The following IQSEC1 variants were observed in gnomAD, a reference collection of about 807,000 sequenced individuals.
The protein encoded by IQSEC1 is IQ motif and Sec7 domain ArfGEF 1, also known as IQ motif and SEC7 domain-containing protein 1.
Under a neutral mutation model 91.0 loss-of-function variants are expected in IQSEC1, and 31 were observed. The observed-to-expected ratio is 0.34, with a 90% CI of 0.26 to 0.46. IQSEC1 has a LOEUF of 0.46. IQSEC1 is among the 20% of genes least tolerant of loss of function. The pLI is 1.00. For synonymous variants in IQSEC1, 699 were observed against 662.6 expected, an observed-to-expected ratio of 1.05 and a Z score of -0.84; for missense variants, 1,388 against 1,575.6, an observed-to-expected ratio of 0.88 and a Z score of 2.02.
At chr3:12,939,016 C>T (rs1189791128) in intron 2 of IQSEC1, among the ~76,000 whole-genome samples, 3 of 152,204 alleles carry the variant, frequency 2.0e-5, no homozygotes, top group Non-Finnish European at 4.4e-5. Context: ...CGAAAAGTTT[C>T]CCGGGACCCA....
intron 1 of IQSEC1, 76 bp from the exon 2 acceptor site, chr3:12,941,941 C>CCCACCATGCTCCTGGAGGAG (rs1698794017): frequency 1.5e-6 from 2 of 1,344,724 alleles, no homozygotes; most frequent in Admixed American, 4.8e-5. Context: ...GGGGCGTGAC[C>CCCACCATGCTCCTGGAGGAG]CCACCATGCT....
At chr3:13,145,672 G>C (rs1706877786) in intron 2 of IQSEC1, among the ~76,000 whole-genome samples, 1 of 152,284 alleles carries the variant, frequency 6.6e-6, no homozygotes, top group African/African-American at 2.4e-5. Flanking sequence ...GCCACTGTGT[G>C]AGCATCCAAC....
At chr3:13,064,829 G>T (rs1335812320) in intron 1 of IQSEC1, among the ~76,000 whole-genome samples, 2 of 152,032 alleles carry the variant, frequency 1.3e-5, no homozygotes, top group African/African-American at 4.8e-5. Flanking sequence ...GGCCTGTCCT[G>T]CACAACCTAG....
intron 2 of IQSEC1, among the ~76,000 whole-genome samples, chr3:12,937,570 TG>T (rs1698314477): frequency 1.3e-5 from 2 of 152,246 alleles, no homozygotes; most frequent in Admixed American, 1.3e-4. Flanking sequence ...CCTTGGTAGC[TG>T]GGTGACCCAG....
At chr3:13,248,404 G>C (rs1695141885) in intron 1 of IQSEC1, among the ~76,000 whole-genome samples, 1 of 152,202 alleles carries the variant, frequency 6.6e-6, no homozygotes, top group African/African-American at 2.4e-5. Flanking sequence ...CCTGTGCCCA[G>C]GTCCTGGGAA....
intron 2 of IQSEC1, among the ~76,000 whole-genome samples, chr3:13,135,922 G>A (rs1169658105): frequency 6.6e-6 from 1 of 152,216 alleles, no homozygotes; most frequent in Non-Finnish European, 1.5e-5. Flanking sequence ...GTGGACATGA[G>A]AGGAGAAGCG....
At chr3:13,078,736 T>C (rs1179365500) in intron 2 of IQSEC1, among the ~76,000 whole-genome samples, 1 of 152,032 alleles carries the variant, frequency 6.6e-6, no homozygotes, top group African/African-American at 2.4e-5. Context: ...AGCTGGAGAG[T>C]TCACAGGAGG....
At chr3:13,195,961 A>ATTAT (rs1414659840) in intron 1 of IQSEC1, among the ~76,000 whole-genome samples, 1 of 152,204 alleles carries the variant, frequency 6.6e-6, no homozygotes, top group Non-Finnish European at 1.5e-5. Flanking sequence ...GTCTGTCTGT[A>ATTAT]TTATTTCTTA....
chr3:13,075,332 C>CG (rs1705546585), upstream of IQSEC1, among the ~76,000 whole-genome samples: 1 of 152,234 alleles, frequency 6.6e-6, no homozygotes, highest in Admixed American at 6.5e-5. Context: ...GCACCACATA[C>CG]GGGGGTCTCC....
Position 13,207,842 on chromosome 3 carries a change from C to T in IQSEC1, c.273-43709G>A, listed in dbSNP as rs1694372358. Among the ~76,000 whole-genome samples the T allele has an allele frequency of 6.6e-6, 1 of 152,188 alleles. No homozygotes were observed. The highest frequency in any genetic ancestry group is 1.5e-5 in the Non-Finnish European group (1 of 68,026). On this transcript the variant is annotated intron_variant, in intron 1 of 15. Transcript: ENST00000648114. This position sits in a 1 kb window ranked among gnomAD's most constrained non-coding sequence, Gnocchi z 4.8. ...TGTGTGGTCCCCATACACTGACCAG[C>T]CTTCCCTCCTGCCTTTGTGCTGACT... is the stretch of plus-strand genomic sequence containing the variant.
At position 12,970,641 on chromosome 3, in the gene IQSEC1, C is replaced by T. The variant is rs1413802260; in HGVS notation, c.24-28776G>A. 6.6e-6 allele frequency among the ~76,000 whole-genome samples: 1 copy of T among 152,196 alleles called. No individual in the cohort carries two copies. Among genetic ancestry groups the T allele is most frequent in the South Asian group, 2.1e-4 (1 of 4,832 alleles). On this transcript the variant is annotated intron_variant, in intron 1 of 13. Transcript: ENST00000613206. The surrounding 1 kb of genome is among the most constrained non-coding windows in gnomAD (Gnocchi z 4.4). ...CATCCCTTACCTCTCCTCCTGCCCA[C>T]TCTATGCCTGCCACACCTCCAGCAA...
chr3:13,220,378 G>A (rs966789891), intron 1 of IQSEC1, among the ~76,000 whole-genome samples: 1 of 152,172 alleles, frequency 6.6e-6, no homozygotes, highest in East Asian at 1.9e-4. Flanking sequence ...AAGAAGGGGG[G>A]TCCTTGCCCC....
intron 6 of IQSEC1, among the ~76,000 whole-genome samples, chr3:12,918,170 G>A (rs368484774): frequency 9.2e-5 from 14 of 152,368 alleles, no homozygotes; most frequent in Admixed American, 6.5e-4. Flanking sequence ...GCATGAGGAA[G>A]ATGAGAAAGA....
Position 12,909,238 on chromosome 3 carries a change from G to A in IQSEC1, c.2578+35C>T. ...GGAGGCAAGTGCCAGAGTCTGGCAAGTCTCGGCCTTCTGTCCATGAGGCCT... is the reference window on the plus strand; with the variant it reads ...GGAGGCAAGTGCCAGAGTCTGGCAAATCTCGGCCTTCTGTCCATGAGGCCT... On this transcript the variant is annotated intron_variant, in intron 11 of 13. Coordinates refer to ENST00000613206, the MANE Select transcript of IQSEC1 (RefSeq NM_001134382.3). The surrounding 1 kb of genome is among the most constrained non-coding windows in gnomAD (Gnocchi z 4.9). 5 of 1,606,486 alleles carry A rather than the reference G, an allele frequency of 3.1e-6. No individual in the cohort carries two copies. Among genetic ancestry groups the A allele is most frequent in the Non-Finnish European group, 4.3e-6 (5 of 1,174,270 alleles).
chr3:13,017,994 C>T (rs894184596), intron 1 of IQSEC1, among the ~76,000 whole-genome samples: 5 of 152,168 alleles, frequency 3.3e-5, no homozygotes, highest in African/African-American at 1.2e-4. Flanking sequence ...CCTTCCTCAG[C>T]CTCAGGGAGT....
intron 1 of IQSEC1, among the ~76,000 whole-genome samples, chr3:13,010,825 G>T (rs1334935808): frequency 1.3e-5 from 2 of 152,048 alleles, no homozygotes; most frequent in Non-Finnish European, 2.9e-5. Flanking sequence ...TTTTTGTCCT[G>T]AACTCTGGCC....
intron 1 of IQSEC1, among the ~76,000 whole-genome samples, chr3:13,031,885 G>A (rs2125011042): frequency 6.6e-6 from 1 of 152,210 alleles, no homozygotes; most frequent in South Asian, 2.1e-4. Context: ...AGGAGGTCTA[G>A]GGTAGAGAAC....
chr3:13,068,733 C>T (rs113090931), intron 1 of IQSEC1, among the ~76,000 whole-genome samples: 10,133 of 152,284 alleles, frequency 0.067, 396 homozygotes, highest in Non-Finnish European at 0.082. Flanking sequence ...CTGTCCCCTG[C>T]ACCCGGGGCC....
intron 2 of IQSEC1, among the ~76,000 whole-genome samples, chr3:13,089,670 C>A (rs1203340105): frequency 2.0e-5 from 3 of 152,170 alleles, no homozygotes; most frequent in Non-Finnish European, 4.4e-5. Context: ...GTTAAAGAAG[C>A]CAGACACAAA....
Sources: allele counts gnomAD v4.1 joint callset (sites outside exome capture counted in the v4.1 genomes callset), GRCh38; gene constraint gnomAD v4.1.1; non-coding constraint Gnocchi (gnomAD v3.1); transcripts MANE v1.5; gene names NCBI Gene and HGNC (gene_info 2026-07-23, HGNC 2026-07-21).